Variants in VKORC1L1 observed in about 807,000 individuals in gnomAD.
VKORC1L1 encodes the protein vitamin K epoxide reductase complex subunit 1-like protein 1.
Under a neutral mutation model 18.9 loss-of-function variants are expected in VKORC1L1, and 2 were observed. The ratio of observed to expected loss-of-function variants is 0.11; its 90% CI spans 0.04 to 0.33. The LOEUF is 0.33. VKORC1L1 is among the 10% of genes least tolerant of loss of function. The probability of loss-of-function intolerance (pLI) is 1.00; values close to 1 mark genes in which losing one functional copy is unlikely to be tolerated. For synonymous variants in VKORC1L1, 96 were observed against 100.0 expected, an observed-to-expected ratio of 0.96 and a Z score of 0.24; for missense variants, 123 against 224.1, an observed-to-expected ratio of 0.55 and a Z score of 2.88.
intron 2 of VKORC1L1, among the ~76,000 whole-genome samples, chr7:65,949,339 C>G (rs1411819671): frequency 6.6e-6 from 1 of 151,736 alleles, no homozygotes. Context: ...ATTAGCTGGG[C>G]GAGGTGGTGC....
At chr7:65,888,545 G>C (rs1013486090) in intron 1 of VKORC1L1, among the ~76,000 whole-genome samples, 1 of 152,118 alleles carries the variant, frequency 6.6e-6, no homozygotes, top group African/African-American at 2.4e-5. Flanking sequence ...ATTTGCCCTG[G>C]CTGACTGCTG....
chr7:65,884,095 T>C (rs987603323), intron 1 of VKORC1L1, among the ~76,000 whole-genome samples: 3 of 152,226 alleles, frequency 2.0e-5, no homozygotes, highest in African/African-American at 7.2e-5. Context: ...ATTGTGCCAG[T>C]GGTTAAGATC....
intron 1 of VKORC1L1, among the ~76,000 whole-genome samples, chr7:65,944,068 C>G (rs537257641): frequency 6.6e-6 from 1 of 152,112 alleles, no homozygotes; most frequent in South Asian, 2.1e-4. Flanking sequence ...CACTTGAGGT[C>G]TAAAAACTAC....
intron 1 of VKORC1L1, among the ~76,000 whole-genome samples, chr7:65,928,471 C>G (rs1789803925): frequency 6.6e-6 from 1 of 152,038 alleles, no homozygotes; most frequent in Non-Finnish European, 1.5e-5. Flanking sequence ...TTTACCTTTT[C>G]CAGAATATCA....
chr7:65,912,351 G>A (rs962457658), intron 1 of VKORC1L1, among the ~76,000 whole-genome samples: 1 of 152,186 alleles, frequency 6.6e-6, no homozygotes, highest in African/African-American at 2.4e-5. Context: ...AAGCCACCAG[G>A]AACCATATAT....
In VKORC1L1 at chr7:65,896,030, G is replaced by A. The variant is rs1789205646; in HGVS notation, c.194+22465G>A. Among the ~76,000 whole-genome samples the A allele has an allele frequency of 2.0e-5, 3 of 150,720 alleles. No homozygotes were observed. The South Asian group carries it at 6.3e-4, about 32-fold the overall frequency. ...CCTGCCTCAGCTTCCCAAGTAGCTGGGATTACAGGTGCCCGCTACCACACT... is the reference window on the plus strand; with the variant it reads ...CCTGCCTCAGCTTCCCAAGTAGCTGAGATTACAGGTGCCCGCTACCACACT... On this transcript the variant is annotated intron_variant, in intron 1 of 2. Transcript: ENST00000360768.
intron 1 of VKORC1L1, among the ~76,000 whole-genome samples, chr7:65,896,042 C>T (rs1404453305): frequency 1.3e-5 from 2 of 151,008 alleles, no homozygotes; most frequent in East Asian, 3.9e-4. Flanking sequence ...ATTACAGGTG[C>T]CCGCTACCAC....
intron 1 of VKORC1L1, among the ~76,000 whole-genome samples, chr7:65,943,417 T>C (rs1174590304): frequency 4.6e-5 from 7 of 152,144 alleles, no homozygotes; most frequent in Admixed American, 4.6e-4. Context: ...TTAAACTATA[T>C]ATAACTGTAA....
At chr7:65,943,562 C>G (rs1343220786) in intron 1 of VKORC1L1, among the ~76,000 whole-genome samples, 1 of 152,040 alleles carries the variant, frequency 6.6e-6, no homozygotes, top group Non-Finnish European at 1.5e-5. Context: ...TTTCCAAGGT[C>G]CATTCTTCCT....
chr7:65,908,808 G>A (rs1231330109), intron 1 of VKORC1L1, among the ~76,000 whole-genome samples: 2 of 133,658 alleles, frequency 1.5e-5, no homozygotes, highest in Non-Finnish European at 3.1e-5. Flanking sequence ...GTGCACTCTA[G>A]CCTGGGTGAC....
At chr7:65,934,510 A>G (rs2115677747) in intron 1 of VKORC1L1, among the ~76,000 whole-genome samples, 1 of 152,226 alleles carries the variant, frequency 6.6e-6, no homozygotes, top group Admixed American at 6.5e-5. Flanking sequence ...AGATTTTTGT[A>G]TCCTTTGACC....
intron 1 of VKORC1L1, among the ~76,000 whole-genome samples, chr7:65,934,304 A>C (rs146626902): frequency 1.2e-3 from 182 of 152,334 alleles, no homozygotes; most frequent in Middle Eastern, 3.4e-3. Flanking sequence ...ACATGATGTT[A>C]TAATTTACCA....
chr7:65,944,004 C>T (rs36068983), intron 1 of VKORC1L1, among the ~76,000 whole-genome samples: 18,907 of 152,132 alleles, frequency 0.12, 1,329 homozygotes, highest in Middle Eastern at 0.21. Context: ...TGTGGCTGGG[C>T]ACAATGGCTT....
At chr7:65,947,355 C>T (rs1380232214) in intron 1 of VKORC1L1, among the ~76,000 whole-genome samples, 1 of 150,728 alleles carries the variant, frequency 6.6e-6, no homozygotes, top group Non-Finnish European at 1.5e-5. Context: ...AGTTTGTCTT[C>T]AGAACCAAAG....
intron 1 of VKORC1L1, among the ~76,000 whole-genome samples, chr7:65,875,577 C>G (rs879863896): frequency 6.6e-4 from 101 of 152,204 alleles, no homozygotes; most frequent in Middle Eastern, 3.4e-3. Flanking sequence ...GCCACAACGC[C>G]CTGCTAATTT....
At chr7:65,948,468 G>C (rs1233513656) in intron 1 of VKORC1L1, among the ~76,000 whole-genome samples, 1 of 120,892 alleles carries the variant, frequency 8.3e-6, no homozygotes. Context: ...CTTTAGATAT[G>C]TTCATTTTAG....
chr7:65,904,948 T>A (rs1789380207), intron 1 of VKORC1L1, among the ~76,000 whole-genome samples: 1 of 152,174 alleles, frequency 6.6e-6, no homozygotes, highest in African/African-American at 2.4e-5. Context: ...ATATGTATGT[T>A]ATACACATCG....
At chr7:65,883,607 C>T (rs999929886) in intron 1 of VKORC1L1, among the ~76,000 whole-genome samples, 1 of 152,096 alleles carries the variant, frequency 6.6e-6, no homozygotes, top group Non-Finnish European at 1.5e-5. Context: ...TCAAGTGATT[C>T]TCCTGCCTCA....
intron 1 of VKORC1L1, among the ~76,000 whole-genome samples, chr7:65,947,564 A>G (rs1300124948): frequency 6.6e-6 from 1 of 152,154 alleles, no homozygotes; most frequent in East Asian, 1.9e-4. Flanking sequence ...TCAGGTTTTA[A>G]AAATGTTAAG....
Sources: gnomAD v4.1 joint callset for allele counts (sites outside exome capture counted in the v4.1 genomes callset) on GRCh38, gnomAD v4.1.1 for gene constraint, MANE v1.5 for transcripts, NCBI Gene and HGNC (gene_info 2026-07-23, HGNC 2026-07-21) for gene names.